NAPEPLD: variants seen among roughly 807,000 people sequenced by gnomAD.
NAPEPLD encodes the protein N-acyl-phosphatidylethanolamine-hydrolyzing phospholipase D.
A neutral mutation model predicts 38.1 loss-of-function variants in NAPEPLD; 23 were observed. The ratio of observed to expected loss-of-function variants is 0.60; its 90% confidence interval spans 0.43 to 0.86. The LOEUF is 0.86. NAPEPLD is among the 40% of genes least tolerant of loss of function. The pLI is 0.00. For synonymous variants in NAPEPLD, 147 were observed against 162.0 expected, an observed-to-expected ratio of 0.91 and a Z score of 0.71; for missense variants, 411 against 476.8, an observed-to-expected ratio of 0.86 and a Z score of 1.28.
intron 1 of NAPEPLD, among the ~76,000 whole-genome samples, chr7:103,130,957 A>C (rs1300821160): frequency 6.6e-6 from 1 of 152,206 alleles, no homozygotes; most frequent in East Asian, 1.9e-4. Context: ...CTGGGTTATA[A>C]TTAAGTTCAG....
rs1802327935 is a variant in NAPEPLD, at chr7:103,101,106, A to T, written c.*2323T>A. The T allele has an allele frequency of 6.6e-6, 1 of 152,232 alleles. No homozygotes were observed. Among genetic ancestry groups the T allele is most frequent in the South Asian group, 2.1e-4 (1 of 4,832 alleles). The allele number at this position is 152,232 out of a possible 1,614,324, so 9.4% of individuals were successfully genotyped here. A position where few individuals can be genotyped will look rare whatever the true frequency, so the allele number is the denominator to read the frequency against. On this transcript the variant is annotated 3_prime_UTR_variant, in exon 5 of 5. Transcript: ENST00000465647. ...TTCATAGAGAAGAGGTAAGAGATGG[A>T]TTTTCAATTCGGCGTGCAGCAGCAG...
At position 103,100,223 on chromosome 7, in the gene NAPEPLD, A is replaced by T. The variant is rs1408038340; in HGVS notation, c.*3206T>A. 3 of 152,190 alleles carry T rather than the reference A, an allele frequency of 2.0e-5. No homozygotes were observed. The allele number at this position is 152,190 out of a possible 1,614,324, so 9.4% of individuals were successfully genotyped here. ...AAAGTATTCATTCCCCAAAAGGCAC[A>T]TTTCTTTATAACGGTTTTTTCAAAT... On this transcript the variant is annotated 3_prime_UTR_variant, in exon 5 of 5. Coordinates refer to ENST00000465647, the MANE Select transcript of NAPEPLD (RefSeq NM_001122838.3).
intron 3 of NAPEPLD, 43 bp from the exon 4 acceptor site, chr7:103,115,217 T>C (rs754045335): frequency 2.2e-6 from 3 of 1,379,308 alleles, no homozygotes; most frequent in South Asian, 1.2e-5. Context: ...CTTTGAGATA[T>C]ACACTAAATT....
At chr7:103,115,797 A>C (rs1388383507) in intron 3 of NAPEPLD, among the ~76,000 whole-genome samples, 1 of 152,154 alleles carries the variant, frequency 6.6e-6, no homozygotes, top group Non-Finnish European at 1.5e-5. Context: ...CTGTATTTAC[A>C]CTCACTTATA....
chr7:103,107,558 T>C (rs139323751), intron 4 of NAPEPLD, among the ~76,000 whole-genome samples: 1,677 of 152,076 alleles, frequency 0.011, 34 homozygotes, highest in African/African-American at 0.039. Flanking sequence ...AGAACATAAA[T>C]GACCTGATGG....
Position 103,148,871 on chromosome 7 carries a change from C to T in NAPEPLD, c.-77G>A. On this transcript the variant is annotated 5_prime_UTR_variant, in exon 1 of 5. Transcript: ENST00000465647. ...TTGCAGGGAAGATAGGATCTCAAAT[C>T]CCAGACAGCTACTCTCCCAAAGAGA... is the stretch of plus-strand genomic sequence containing the variant. The T allele has an allele frequency of 1.0e-6, 1 of 985,384 alleles. No homozygotes were observed. Among genetic ancestry groups the T allele is most frequent in the East Asian group, 1.1e-4 (1 of 8,816 alleles). 61.0% of individuals were successfully genotyped at this position (985,384 alleles called of 1,614,324 possible).
At chr7:103,142,032 G>A (rs1811511293) in intron 1 of NAPEPLD, 1 of 605,188 alleles carries the variant, frequency 1.7e-6, no homozygotes, top group South Asian at 2.0e-5. Flanking sequence ...AGGTGGGGCA[G>A]TTTCTCTAGA....
chr7:103,113,226 C>G (rs1400161390), intron 4 of NAPEPLD, among the ~76,000 whole-genome samples: 1 of 152,186 alleles, frequency 6.6e-6, no homozygotes, highest in African/African-American at 2.4e-5. Context: ...TTAAACTTCT[C>G]CCTTCTCCAA....
chr7:103,108,518 T>A (rs1486933251), intron 4 of NAPEPLD, among the ~76,000 whole-genome samples: 1 of 152,140 alleles, frequency 6.6e-6, no homozygotes, highest in African/African-American at 2.4e-5. Context: ...TGAAATAAAA[T>A]CCTTTACAGA....
intron 3 of NAPEPLD, among the ~76,000 whole-genome samples, chr7:103,117,944 A>T (rs1350646554): frequency 6.6e-6 from 1 of 152,216 alleles, no homozygotes; most frequent in Non-Finnish European, 1.5e-5. Flanking sequence ...CCACGTTGGG[A>T]GGCCGACACA....
intron 2 of NAPEPLD, among the ~76,000 whole-genome samples, chr7:103,124,433 G>T (rs942554213): frequency 6.6e-6 from 1 of 151,958 alleles, no homozygotes; most frequent in Non-Finnish European, 1.5e-5. Flanking sequence ...ACTCCAGCCT[G>T]GGCAACAAGA....
At chr7:103,138,716 C>T (rs569665915) in intron 1 of NAPEPLD, among the ~76,000 whole-genome samples, 13 of 152,150 alleles carry the variant, frequency 8.5e-5, no homozygotes, top group South Asian at 8.3e-4. Flanking sequence ...GTGATCCACC[C>T]GCCTCGGCCT....
chr7:103,121,035 A>G (rs1205117179), intron 2 of NAPEPLD, among the ~76,000 whole-genome samples: 5 of 152,054 alleles, frequency 3.3e-5, no homozygotes, highest in Non-Finnish European at 5.9e-5. Flanking sequence ...CTGAGTACCT[A>G]TAATTCAAAA....
chr7:103,107,467 G>A (rs553429763), intron 4 of NAPEPLD, among the ~76,000 whole-genome samples: 39 of 152,122 alleles, frequency 2.6e-4, no homozygotes, highest in African/African-American at 7.9e-4. Flanking sequence ...CTAAAGGAGC[G>A]TATTCTAACC....
At chr7:103,106,500 G>T (rs1464330954) in intron 4 of NAPEPLD, among the ~76,000 whole-genome samples, 2 of 152,196 alleles carry the variant, frequency 1.3e-5, no homozygotes, top group Admixed American at 6.5e-5. Flanking sequence ...AGATCCACAG[G>T]ATTGAAATTT....
At chr7:103,111,611 A>G (rs1379338766) in intron 4 of NAPEPLD, among the ~76,000 whole-genome samples, 3 of 152,248 alleles carry the variant, frequency 2.0e-5, no homozygotes, top group Admixed American at 6.5e-5. Context: ...AAATTAACTC[A>G]AGATGGATTA....
chr7:103,130,107 AT>A (rs1351888168), intron 1 of NAPEPLD, among the ~76,000 whole-genome samples: 6 of 152,228 alleles, frequency 3.9e-5, no homozygotes, highest in Non-Finnish European at 8.8e-5. Context: ...CACACAGCAC[AT>A]TTTATAAGTG....
intron 1 of NAPEPLD, among the ~76,000 whole-genome samples, chr7:103,145,233 G>A (rs77813759): frequency 0.058 from 8,812 of 152,186 alleles, 365 homozygotes; most frequent in African/African-American, 0.11. Flanking sequence ...AATGCTATAC[G>A]TAATCAGGCT....
chr7:103,118,119 C>T (rs1490396124), intron 3 of NAPEPLD, among the ~76,000 whole-genome samples: 2 of 152,122 alleles, frequency 1.3e-5, no homozygotes, highest in African/African-American at 4.8e-5. Context: ...AACCCAGAGA[C>T]GGAGGTTGCA....
Sources: allele counts gnomAD v4.1 joint callset (sites outside exome capture counted in the v4.1 genomes callset), GRCh38; gene constraint gnomAD v4.1.1; transcripts MANE v1.5; gene names NCBI Gene and HGNC (gene_info 2026-07-23, HGNC 2026-07-21).